Variants in GABRG3 observed in about 807,000 individuals in gnomAD.
The protein encoded by GABRG3 is gamma-aminobutyric acid receptor subunit gamma-3.
Under a neutral mutation model 48.8 loss-of-function variants are expected in GABRG3, and 25 were observed. That is an observed-to-expected ratio of 0.51 (90% CI 0.37 to 0.72). GABRG3 has a LOEUF of 0.72. Ranked by LOEUF, GABRG3 falls within the 30% of genes least tolerant of loss-of-function variation. The pLI is 0.00. For synonymous variants in GABRG3, 227 were observed against 217.6 expected (o/e 1.04, Z -0.38); for missense variants, 394 against 577.9 (o/e 0.68, Z 3.26).
At chr15:27,006,923 C>G (rs7174009) in intron 2 of GABRG3, among the ~76,000 whole-genome samples, 73,267 of 151,002 alleles carry the variant, frequency 0.49, 18,485 homozygotes, top group Middle Eastern at 0.61. Context: ...ACTGCAGCCT[C>G]GAACTCCTGG....
intron 3 of GABRG3, among the ~76,000 whole-genome samples, chr15:27,167,352 C>G (rs909626157): frequency 6.6e-6 from 1 of 152,148 alleles, no homozygotes; most frequent in South Asian, 2.1e-4. Context: ...CTGTAGCTCC[C>G]GTGAGAAAGG....
At chr15:27,057,429 A>G (rs1197305516) in intron 3 of GABRG3, among the ~76,000 whole-genome samples, 1 of 152,218 alleles carries the variant, frequency 6.6e-6, no homozygotes, top group Non-Finnish European at 1.5e-5. Flanking sequence ...TTAGGAGAAA[A>G]TGGTAAATGA....
chr15:27,115,650 C>G (rs1897628447), intron 3 of GABRG3, among the ~76,000 whole-genome samples: 1 of 152,180 alleles, frequency 6.6e-6, no homozygotes, highest in South Asian at 2.1e-4. Context: ...ACAGCTCAGG[C>G]TAATTACAGG....
chr15:27,249,098 G>A (rs1294002738), intron 3 of GABRG3, among the ~76,000 whole-genome samples: 1 of 152,154 alleles, frequency 6.6e-6, no homozygotes, highest in South Asian at 2.1e-4. Flanking sequence ...TTCAACACGC[G>A]ACCTGGGTGA....
intron 5 of GABRG3, among the ~76,000 whole-genome samples, chr15:27,414,716 T>C (rs1188604010): frequency 6.6e-6 from 1 of 152,168 alleles, no homozygotes; most frequent in Non-Finnish European, 1.5e-5. Flanking sequence ...AGCTGTCATG[T>C]CCCATGTCAG....
At chr15:27,250,378 C>T (rs983325916) in intron 3 of GABRG3, among the ~76,000 whole-genome samples, 1 of 152,220 alleles carries the variant, frequency 6.6e-6, no homozygotes, top group Non-Finnish European at 1.5e-5. Context: ...GCACTGGCTG[C>T]ATTCCAAGTG....
At chr15:26,996,541 A>G (rs57834194) in intron 2 of GABRG3, among the ~76,000 whole-genome samples, 9,797 of 151,964 alleles carry the variant, frequency 0.064, 360 homozygotes, top group East Asian at 0.18. Flanking sequence ...CTGGGTATGA[A>G]TTCCTTTGTG....
chr15:27,273,331 CAT>C (rs999492480), intron 3 of GABRG3, among the ~76,000 whole-genome samples: 2 of 152,196 alleles, frequency 1.3e-5, no homozygotes, highest in African/African-American at 4.8e-5. Flanking sequence ...GCTTAAAAAA[CAT>C]AGAAGTTTAT....
intron 5 of GABRG3, among the ~76,000 whole-genome samples, chr15:27,412,667 G>A (rs536324840): frequency 5.9e-5 from 9 of 152,322 alleles, no homozygotes; most frequent in South Asian, 2.1e-4. Flanking sequence ...AAGAGGCAGC[G>A]TGGTCTTAGA....
intron 3 of GABRG3, among the ~76,000 whole-genome samples, chr15:27,315,600 T>G (rs545239443): frequency 1.3e-5 from 2 of 152,364 alleles, no homozygotes; most frequent in African/African-American, 4.8e-5. Context: ...CCCTGAATAC[T>G]AAGAATTTTC....
chr15:27,165,757 A>G (rs1325515253), intron 3 of GABRG3, among the ~76,000 whole-genome samples: 1 of 152,110 alleles, frequency 6.6e-6, no homozygotes, highest in Non-Finnish European at 1.5e-5. Context: ...AGTCAGTGAG[A>G]GGAGGATCAG....
intron 3 of GABRG3, among the ~76,000 whole-genome samples, chr15:27,151,516 G>C (rs1337894064): frequency 6.6e-6 from 1 of 152,094 alleles, no homozygotes; most frequent in Non-Finnish European, 1.5e-5. Flanking sequence ...CAGAACCTGT[G>C]AATGTCTTGT....
At chr15:27,333,333 C>G (rs67412451) in intron 5 of GABRG3, among the ~76,000 whole-genome samples, 27,208 of 152,136 alleles carry the variant, frequency 0.18, 5,712 homozygotes, top group African/African-American at 0.51. Flanking sequence ...GGGCAGGGCA[C>G]CATTGCCGCC....
intron 3 of GABRG3, among the ~76,000 whole-genome samples, chr15:27,033,854 T>C (rs1896129947): frequency 2.6e-5 from 4 of 152,358 alleles, no homozygotes; most frequent in Admixed American, 1.3e-4. Flanking sequence ...TGTTTGTTGC[T>C]ATTCTTGCTA....
intron 5 of GABRG3, among the ~76,000 whole-genome samples, chr15:27,472,159 G>C (rs987040418): frequency 1.3e-5 from 2 of 151,870 alleles, no homozygotes; most frequent in South Asian, 2.1e-4. Context: ...CATAGGATTT[G>C]AATGTTTTTT....
At chr15:27,309,631 C>A (rs1211759725) in intron 3 of GABRG3, among the ~76,000 whole-genome samples, 2 of 151,946 alleles carry the variant, frequency 1.3e-5, no homozygotes, top group Middle Eastern at 3.2e-3. Flanking sequence ...GTGCTAAACA[C>A]CTATTTTAAC....
chr15:27,188,128 T>G (rs916844045), intron 3 of GABRG3, among the ~76,000 whole-genome samples: 33 of 152,176 alleles, frequency 2.2e-4, no homozygotes, highest in African/African-American at 7.7e-4. Flanking sequence ...AGTCTATCAT[T>G]GTTGGACATT....
chr15:27,125,828 A>C (rs553692883), intron 3 of GABRG3, among the ~76,000 whole-genome samples: 1 of 152,246 alleles, frequency 6.6e-6, no homozygotes, highest in Non-Finnish European at 1.5e-5. Flanking sequence ...GGTTGTGTGC[A>C]CTGTGGCACT....
At chr15:27,188,085 C>A (rs1165142211) in intron 3 of GABRG3, among the ~76,000 whole-genome samples, 1 of 152,046 alleles carries the variant, frequency 6.6e-6, no homozygotes, top group Admixed American at 6.6e-5. Flanking sequence ...GCATAGTATT[C>A]CATGGTGTAT....
Sources: gnomAD v4.1 joint callset for allele counts (sites outside exome capture counted in the v4.1 genomes callset) on GRCh38, gnomAD v4.1.1 for gene constraint, MANE v1.5 for transcripts, NCBI Gene and HGNC (gene_info 2026-07-23, HGNC 2026-07-21) for gene names.